Variants in GPM6A observed in about 807,000 individuals in gnomAD.
The protein encoded by GPM6A is glycoprotein M6A.
In GPM6A, 7 loss-of-function variants were observed where a neutral mutation model predicts 32.1. The ratio of observed to expected loss-of-function variants is 0.22; its 90% CI spans 0.12 to 0.41. The LOEUF (loss-of-function observed/expected upper bound fraction) is 0.41. GPM6A is among the 10% of genes least tolerant of loss of function. The pLI is 1.00. For missense variants in GPM6A, 235 were observed against 347.2 expected, an observed-to-expected ratio of 0.68 and a Z score of 2.57; for synonymous variants, 130 against 123.4, an observed-to-expected ratio of 1.05 and a Z score of -0.35.
intron 2 of GPM6A, among the ~76,000 whole-genome samples, chr4:175,680,838 C>T (rs1743645244): frequency 6.6e-6 from 1 of 152,054 alleles, no homozygotes; most frequent in South Asian, 2.1e-4. Context: ...GTGCATACTC[C>T]ATATATTCTT....
intron 1 of GPM6A, among the ~76,000 whole-genome samples, chr4:175,892,461 A>T (rs1495710): frequency 0.016 from 2,456 of 152,236 alleles, 65 homozygotes; most frequent in African/African-American, 0.056. Flanking sequence ...AGCAGCCCCA[A>T]CTGGAGTAAT....
intron 1 of GPM6A, among the ~76,000 whole-genome samples, chr4:175,741,728 T>C (rs1731895747): frequency 6.6e-6 from 1 of 152,154 alleles, no homozygotes; most frequent in Non-Finnish European, 1.5e-5. Flanking sequence ...TTTATCTACT[T>C]GTCTTCACTG....
chr4:175,882,406 A>T (rs1456296811), intron 1 of GPM6A, among the ~76,000 whole-genome samples: 1 of 151,978 alleles, frequency 6.6e-6, no homozygotes, highest in South Asian at 2.1e-4. Context: ...CAATAATAAT[A>T]TATTAAATTA....
intron 1 of GPM6A, among the ~76,000 whole-genome samples, chr4:175,927,679 G>A (rs925372636): frequency 4.6e-5 from 7 of 152,220 alleles, no homozygotes; most frequent in East Asian, 1.9e-4. Context: ...GAGGTCAGGC[G>A]CTCGAGACGA....
intron 1 of GPM6A, among the ~76,000 whole-genome samples, chr4:175,760,115 G>A (rs1732680043): frequency 6.6e-6 from 1 of 152,276 alleles, no homozygotes; most frequent in Non-Finnish European, 1.5e-5. Context: ...GGTGGAGGTT[G>A]CAGTGAGCGG....
At chr4:175,896,820 T>C (rs1470012649) in intron 1 of GPM6A, among the ~76,000 whole-genome samples, 1 of 152,180 alleles carries the variant, frequency 6.6e-6, no homozygotes, top group Admixed American at 6.5e-5. Flanking sequence ...TCTGTGTTAG[T>C]CAATGAAAAG....
chr4:175,686,879 G>T (rs2111024214), intron 2 of GPM6A, among the ~76,000 whole-genome samples: 1 of 152,292 alleles, frequency 6.6e-6, no homozygotes, highest in African/African-American at 2.4e-5. Context: ...AGAACACAGT[G>T]GTTTGACACA....
At chr4:175,944,685 C>T (rs1739531110) in intron 1 of GPM6A, among the ~76,000 whole-genome samples, 1 of 152,196 alleles carries the variant, frequency 6.6e-6, no homozygotes, top group African/African-American at 2.4e-5. Flanking sequence ...CGGAGCAGAA[C>T]ACTCAAGTAA....
At chr4:175,790,781 C>A (rs1211490039) in intron 1 of GPM6A, among the ~76,000 whole-genome samples, 2 of 152,070 alleles carry the variant, frequency 1.3e-5, no homozygotes, top group East Asian at 1.9e-4. Context: ...AAGGACTTTG[C>A]AACATGATGA....
At chr4:175,812,461 C>T (rs745963666), upstream of GPM6A, 71 of 1,249,528 alleles carry the variant, frequency 5.7e-5, no homozygotes, top group Non-Finnish European at 6.9e-5. Flanking sequence ...ATTACTCTTC[C>T]GTGAAGATTA....
chr4:175,932,030 G>C (rs376839343), intron 1 of GPM6A, among the ~76,000 whole-genome samples: 1 of 151,052 alleles, frequency 6.6e-6, no homozygotes, highest in Non-Finnish European at 1.5e-5. Context: ...AGGAATTCAA[G>C]GCTTCAGTGA....
In GPM6A at chr4:175,826,590, G is replaced by T. The variant is rs76049057; in HGVS notation, c.-22-14341C>A. On this transcript the variant is annotated intron_variant, in intron 1 of 7. Transcript: ENST00000280187. ...ACGGAAAACTGGGGTGGTAGAAGAG[G>T]GTGCTAATAATCAGCCTTCTCTGAG... Among the ~76,000 whole-genome samples, 1,431 of 152,222 alleles carry T rather than the reference G, an allele frequency of 9.4e-3. 53 individuals are homozygous for T. In the East Asian group the frequency reaches 0.12, roughly 13 times the overall value.
chr4:175,724,925 T>G (rs1579429912), intron 1 of GPM6A, among the ~76,000 whole-genome samples: 1 of 152,126 alleles, frequency 6.6e-6, no homozygotes, highest in South Asian at 2.1e-4. Flanking sequence ...GCTGTGTCAC[T>G]AACACCCACT....
At chr4:175,691,518 TTAC>T (rs1239648180) in intron 2 of GPM6A, among the ~76,000 whole-genome samples, 23 of 152,242 alleles carry the variant, frequency 1.5e-4, no homozygotes, top group African/African-American at 4.6e-4. Flanking sequence ...AAAGCTATGC[TTAC>T]TATATACCAC....
intron 4 of GPM6A, among the ~76,000 whole-genome samples, chr4:175,644,770 A>G (rs1011920217): frequency 6.6e-6 from 1 of 152,146 alleles, no homozygotes; most frequent in African/African-American, 2.4e-5. Flanking sequence ...GTGCAGACTG[A>G]TATTTTCAGT....
chr4:175,792,518 G>A (rs2111279563), intron 1 of GPM6A, among the ~76,000 whole-genome samples: 1 of 152,100 alleles, frequency 6.6e-6, no homozygotes, highest in South Asian at 2.1e-4. Flanking sequence ...ATGCTTTCTT[G>A]TAAAGATACT....
At chr4:175,980,190 C>T (rs1740779566) in intron 1 of GPM6A, among the ~76,000 whole-genome samples, 1 of 152,080 alleles carries the variant, frequency 6.6e-6, no homozygotes, top group Non-Finnish European at 1.5e-5. Flanking sequence ...CAAGACTCTA[C>T]AAAAACTACA....
intron 1 of GPM6A, among the ~76,000 whole-genome samples, chr4:175,923,232 TATATATATATATATAC>T (rs928207667): frequency 5.6e-4 from 12 of 21,374 alleles, no homozygotes; most frequent in African/African-American, 7.5e-4. Flanking sequence ...TATATATATA[TATATATATATATATAC>T]ACAACATACA....
rs1324731709 is a variant in GPM6A at position 175,839,038 on chromosome 4, T to C, written c.-22-26789A>G. Among the ~76,000 whole-genome samples, 4 of 152,182 alleles carry C rather than the reference T, an allele frequency of 2.6e-5. No individual in the cohort carries two copies. In the East Asian group the frequency reaches 7.7e-4, roughly 29 times the overall value. ...AAATAAACACCTATTTGAGGAGATA[T>C]TCTCTGCTATTACTTTGGTCTTAAT... On this transcript the variant is annotated intron_variant, in intron 1 of 7. Transcript: ENST00000280187.
Sources: gnomAD v4.1 joint callset for allele counts (sites outside exome capture counted in the v4.1 genomes callset) on GRCh38, gnomAD v4.1.1 for gene constraint, MANE v1.5 for transcripts, NCBI Gene and HGNC (gene_info 2026-07-23, HGNC 2026-07-21) for gene names.